The following ADAMTS6 variants were observed in gnomAD, a reference collection of about 807,000 sequenced individuals.
ADAMTS6 encodes A disintegrin and metalloproteinase with thrombospondin motifs 6.
In ADAMTS6, 23 loss-of-function variants were observed where a neutral mutation model predicts 144.3. The observed-to-expected ratio is 0.16, with a 90% CI of 0.11 to 0.23. The LOEUF is 0.23. Among genes scored for constraint, ADAMTS6 ranks in the 10% least tolerant of loss-of-function variants. The pLI is 1.00. For synonymous variants in ADAMTS6, 444 were observed against 457.5 expected, an observed-to-expected ratio of 0.97 and a Z score of 0.38; for missense variants, 999 against 1,379.6, an observed-to-expected ratio of 0.72 and a Z score of 4.37.
At chr5:65,353,425 A>T (rs1452900747) in intron 7 of ADAMTS6, among the ~76,000 whole-genome samples, 2 of 152,152 alleles carry the variant, frequency 1.3e-5, no homozygotes, top group East Asian at 3.9e-4. Context: ...TAGTGTTCTT[A>T]TCATTTGTTG....
chr5:65,238,470 T>A (rs1758874903), intron 15 of ADAMTS6, among the ~76,000 whole-genome samples: 1 of 151,442 alleles, frequency 6.6e-6, no homozygotes, highest in Non-Finnish European at 1.5e-5. Flanking sequence ...CATGACAGTG[T>A]GCGCCTGTAG....
chr5:65,276,089 A>G (rs777937827), intron 11 of ADAMTS6, among the ~76,000 whole-genome samples: 10 of 152,208 alleles, frequency 6.6e-5, no homozygotes, highest in Non-Finnish European at 1.3e-4. Flanking sequence ...GTCAGGTTAC[A>G]GAAACTTTAT....
At chr5:65,471,654 A>T (rs369307122) in intron 2 of ADAMTS6, among the ~76,000 whole-genome samples, 1 of 151,962 alleles carries the variant, frequency 6.6e-6, no homozygotes, top group East Asian at 1.9e-4. Flanking sequence ...GCTACTCTGG[A>T]TGCTGAGGCA....
intron 20 of ADAMTS6, among the ~76,000 whole-genome samples, chr5:65,202,698 T>C (rs1381924634): frequency 6.6e-6 from 1 of 152,238 alleles, no homozygotes; most frequent in Non-Finnish European, 1.5e-5. Flanking sequence ...CTCACTGATC[T>C]GAAGAACTCT....
chr5:65,400,691 T>C (rs935361145), intron 7 of ADAMTS6, among the ~76,000 whole-genome samples: 1 of 152,218 alleles, frequency 6.6e-6, no homozygotes, highest in African/African-American at 2.4e-5. Context: ...ATGTATTACA[T>C]CTTTGTAGTT....
At chr5:65,359,930 C>T (rs1406469532) in intron 7 of ADAMTS6, among the ~76,000 whole-genome samples, 2 of 152,104 alleles carry the variant, frequency 1.3e-5, no homozygotes, top group African/African-American at 4.8e-5. Context: ...TATTTTACAG[C>T]ATGGTGACTA....
intron 20 of ADAMTS6, among the ~76,000 whole-genome samples, chr5:65,202,969 C>T (rs1755833657): frequency 1.3e-5 from 2 of 152,166 alleles, no homozygotes; most frequent in South Asian, 4.1e-4. Flanking sequence ...TCTTCTCTTC[C>T]TCCACATTTC....
rs977730715 is a variant in ADAMTS6, at chr5:65,460,090, A to G, written c.631+80T>C. ...CAAACTCCTACTTCCTTTTATTGCT[A>G]ACCTTACTATACTTGCCAGAAGAAA... On this transcript the variant is annotated intron_variant, in intron 4 of 24. Transcript: ENST00000381055. 5 of 1,452,084 alleles carry G rather than the reference A, an allele frequency of 3.4e-6. No individual in the cohort carries two copies. The Admixed American group carries it at 9.1e-5, about 26-fold the overall frequency. The allele number at this position is 1,452,084 out of a possible 1,614,324, so 89.9% of individuals were successfully genotyped here.
intron 11 of ADAMTS6, among the ~76,000 whole-genome samples, chr5:65,289,971 G>A (rs555542570): frequency 3.3e-5 from 5 of 152,138 alleles, no homozygotes; most frequent in African/African-American, 1.2e-4. Context: ...AAGAACAAAA[G>A]AAACTAGAAC....
chr5:65,191,861 G>A (rs1430805026), intron 21 of ADAMTS6, among the ~76,000 whole-genome samples: 2 of 152,092 alleles, frequency 1.3e-5, no homozygotes, highest in African/African-American at 4.8e-5. Flanking sequence ...TGTCAATGAA[G>A]CAAGCAAAAT....
intron 7 of ADAMTS6, among the ~76,000 whole-genome samples, chr5:65,426,730 CA>C (rs1351736875): frequency 6.6e-6 from 1 of 151,680 alleles, no homozygotes; most frequent in Admixed American, 6.6e-5. Flanking sequence ...CAAAACAAAA[CA>C]AAAAGTTTAA....
At position 65,249,937 on chromosome 5, in the gene ADAMTS6, G is replaced by A. The variant is rs116316884; in HGVS notation, c.1831-7731C>T. On this transcript the variant is annotated intron_variant, in intron 14 of 24. Transcript: ENST00000381055. ...TCTGGTGAGGTTAGACTGGAAGTAA[G>A]ACAATGTCTAAGGTGACCCAATTCT... is the stretch of plus-strand genomic sequence containing the variant. 4.7e-3 allele frequency among the ~76,000 whole-genome samples: 720 copies of A among 152,186 alleles called. 2 individuals are homozygous for A. Among genetic ancestry groups the A allele is most frequent in the African/African-American group, 0.016 (674 of 41,540 alleles).
At chr5:65,289,779 T>C (rs1470051939) in intron 11 of ADAMTS6, among the ~76,000 whole-genome samples, 1 of 152,028 alleles carries the variant, frequency 6.6e-6, no homozygotes, top group Non-Finnish European at 1.5e-5. Flanking sequence ...CAGTTTCCAA[T>C]AGAAAACAAA....
intron 7 of ADAMTS6, among the ~76,000 whole-genome samples, chr5:65,398,789 AAAGAAAGAAAG>A: frequency 4.7e-5 from 1 of 21,408 alleles, no homozygotes; most frequent in Non-Finnish European, 9.7e-5. Flanking sequence ...AGCAAGAAAG[AAAGAAAGAAAG>A]AAAGAAAGAA....
At chr5:65,220,156 C>G (rs1009624844) in intron 18 of ADAMTS6, among the ~76,000 whole-genome samples, 1 of 151,930 alleles carries the variant, frequency 6.6e-6, no homozygotes, top group Non-Finnish European at 1.5e-5. Flanking sequence ...GTTTTCTGTC[C>G]AAAATACAAT....
intron 22 of ADAMTS6, among the ~76,000 whole-genome samples, chr5:65,175,809 C>T (rs1029223116): frequency 6.6e-6 from 1 of 151,612 alleles, no homozygotes; most frequent in African/African-American, 2.4e-5. Context: ...AAAGGTCTGA[C>T]CAGACCTAGG....
At chr5:65,237,653 T>G (rs575845227) in intron 15 of ADAMTS6, among the ~76,000 whole-genome samples, 2 of 152,228 alleles carry the variant, frequency 1.3e-5, no homozygotes, top group South Asian at 4.1e-4. Flanking sequence ...ATAAGAAGAA[T>G]ATTTACAAAT....
intron 9 of ADAMTS6, among the ~76,000 whole-genome samples, chr5:65,322,561 G>GT (rs3049530): frequency 0.014 from 1,627 of 118,390 alleles, 21 homozygotes; most frequent in African/African-American, 0.035. Context: ...GTGGTATGTA[G>GT]TTTTTTTTTT....
chr5:65,383,068 G>A (rs1187173423), intron 7 of ADAMTS6, among the ~76,000 whole-genome samples: 1 of 152,106 alleles, frequency 6.6e-6, no homozygotes, highest in Non-Finnish European at 1.5e-5. Flanking sequence ...AAGCTCTCAG[G>A]ACCTAGTCAC....
Sources: gnomAD v4.1 joint callset for allele counts (sites outside exome capture counted in the v4.1 genomes callset) on GRCh38, gnomAD v4.1.1 for gene constraint, MANE v1.5 for transcripts, NCBI Gene and HGNC (gene_info 2026-07-23, HGNC 2026-07-21) for gene names.